Variants in DNAH2 observed in about 807,000 individuals in gnomAD.
DNAH2 encodes dynein axonemal heavy chain 2.
A neutral mutation model predicts 523.5 loss-of-function variants in DNAH2; 323 were observed. The observed-to-expected ratio is 0.62, with a 90% CI of 0.56 to 0.68. The LOEUF is 0.68. Among genes scored for constraint, DNAH2 ranks in the 30% least tolerant of loss-of-function variants. DNAH2 has a pLI of 0.00. For synonymous variants in DNAH2, 2,093 were observed against 2,177.4 expected (o/e 0.96, Z 1.08); for missense variants, 4,907 against 5,701.5 (o/e 0.86, Z 4.49).
At position 7,786,986 on chromosome 17, in the gene DNAH2, A is replaced by G. The variant is rs2076756227; in HGVS notation, c.6556A>G (p.Lys2186Glu). 2 of 1,614,204 alleles carry G rather than the reference A, an allele frequency of 1.2e-6. No homozygotes were observed. Among genetic ancestry groups the G allele is most frequent in the Non-Finnish European group, 8.5e-7 (1 of 1,180,040 alleles). ...ENMNSVMDDN[K>E]VLTLINGERI... ...CATGAACTCCGTCATGGACGATAACAAGGTGTTGACCCTCATCAACGGCGA... is the reference window on the plus strand; with the variant it reads ...CATGAACTCCGTCATGGACGATAACGAGGTGTTGACCCTCATCAACGGCGA... Residue 2186 changes from lysine (K) to glutamate (E), a missense_variant, in exon 42 of 86, where the codon AAG becomes GAG. By Grantham distance (56) the Lys-to-Glu change is moderately conservative (BLOSUM62 1). This residue lies in a region of DNAH2 where 2,806 missense variants were observed against 3,190.8 expected (regional missense o/e 0.88). Transcript: ENST00000572933. This position sits in a 1 kb window ranked among gnomAD's most constrained non-coding sequence, Gnocchi z 7.5.
rs372974924 is a variant in DNAH2, at chr17:7,770,367, G to C, written c.4057G>C (p.Glu1353Gln). 6.2e-7 allele frequency: 1 copy of C among 1,613,856 alleles called. No homozygotes were observed. The highest frequency in any genetic ancestry group is 1.3e-5 in the African/African-American group (1 of 74,870). Residue 1353 changes from glutamate (E) to glutamine (Q), a missense_variant, in exon 25 of 86, where the codon GAG becomes CAG. Transcript: ENST00000572933. The part of the protein sequence containing the change: ...GMDQHVEKIG[E>Q]ISASATKELA... ...GGATCAGCATGTGGAGAAAATTGGG[G>C]AGATCTCTGCTTCAGCAACTAAAGA...
chr17:7,719,924 A>T, intron 2 of DNAH2, 24 bp downstream of exon 2: 1 of 1,483,398 alleles, frequency 6.7e-7, no homozygotes, highest in Non-Finnish European at 9.0e-7. Flanking sequence ...GGGGCAGAGG[A>T]TGCTTAGCAA....
In DNAH2 at chr17:7,760,826, A is replaced by G. The variant is rs1322730841; in HGVS notation, c.2872A>G (p.Thr958Ala). The G allele has an allele frequency of 1.9e-6, 3 of 1,614,174 alleles. No homozygotes were observed. Among genetic ancestry groups the G allele is most frequent in the Non-Finnish European group, 2.5e-6 (3 of 1,180,034 alleles). The change falls in exon 18 of 86, where the codon ACC becomes GCC. Residue 958 changes from threonine (T) to alanine (A), a missense_variant. Around this residue, in one of 3 missense-constraint regions of DNAH2, gnomAD observed 2,806 missense variants for 3,190.8 expected, o/e 0.88. Coordinates refer to ENST00000572933, the MANE Select transcript of DNAH2 (RefSeq NM_020877.5). This position sits in a 1 kb window ranked among gnomAD's most constrained non-coding sequence, Gnocchi z 4.0. Reference protein sequence around the residue: ...NASLLQNYLKTWDMYREIWEI... With the variant: ...NASLLQNYLKAWDMYREIWEI... ...AAGCCTGCTGCAGAACTACCTCAAG[A>G]CCTGGGACATGTACCGGGAGATCTG...
chr17:7,726,491 C>G (rs1218319160), intron 3 of DNAH2, among the ~76,000 whole-genome samples: 2 of 149,708 alleles, frequency 1.3e-5, no homozygotes, highest in East Asian at 4.0e-4. Context: ...TTAGTAGAGA[C>G]AAGGTTTCTC....
Position 7,804,974 on chromosome 17 carries a change from G to C in DNAH2, c.9200G>C (p.Ser3067Thr), listed in dbSNP as rs138713261. 1.2e-6 allele frequency: 2 copies of C among 1,614,046 alleles called. No homozygotes were observed. The highest frequency in any genetic ancestry group is 2.7e-5 in the African/African-American group (2 of 74,912). ...DEQQKAVTANSEKIAVEEIKC... is the reference protein window; with the variant it reads ...DEQQKAVTANTEKIAVEEIKC... ...CATCCCTAGGCCGTAACAGCCAACA[G>C]TGAAAAGATTGCAGTTGAGGAAATC... The change falls in exon 60 of 86, where the codon AGT becomes ACT. Residue 3067 changes from serine to threonine, a missense_variant. Physicochemically the swap from Ser to Thr is moderately conservative, Grantham distance 58. Around this residue, in one of 3 missense-constraint regions of DNAH2, gnomAD observed 1,851 missense variants for 2,139.4 expected, o/e 0.87. Transcript: ENST00000572933.
At position 7,743,131 on chromosome 17, in the gene DNAH2, C is replaced by T. The variant is rs756114359; in HGVS notation, c.1893C>T (p.Val631=). 6.3e-7 allele frequency: 1 copy of T among 1,587,140 alleles called. No individual in the cohort carries two copies. Among genetic ancestry groups the T allele is most frequent in the Non-Finnish European group, 8.5e-7 (1 of 1,171,280 alleles). Residue 631 remains valine, a synonymous_variant, in exon 12 of 86, where the codon GTC becomes GTT. Transcript: ENST00000572933. ...AGGAGAAGGCGGGCATGCTGGATGT[C>T]AACTTTGACAAGTACAGGAGCCACC... ...ISQEKAGMLD[V]NFDKSLLILF...
intron 12 of DNAH2, among the ~76,000 whole-genome samples, chr17:7,744,986 C>CT (rs2047713395): frequency 6.6e-6 from 1 of 151,672 alleles, no homozygotes; most frequent in Non-Finnish European, 1.5e-5. Flanking sequence ...AATGATCAAT[C>CT]TTTACATTTC....
rs1286553216 is a variant in DNAH2 at position 7,828,570 on chromosome 17, ATTAT to A, written c.11854-1723_11854-1720del. Among the ~76,000 whole-genome samples, 14 of 151,996 alleles carry A rather than the reference ATTAT, an allele frequency of 9.2e-5. No individual in the cohort carries two copies. The highest frequency in any genetic ancestry group is 9.2e-4 in the Admixed American group (14 of 15,274). On this transcript the variant is annotated intron_variant, in intron 77 of 85. Coordinates refer to ENST00000572933, the MANE Select transcript of DNAH2 (RefSeq NM_020877.5). This position sits in a 1 kb window ranked among gnomAD's most constrained non-coding sequence, Gnocchi z 4.1. ...GAGCCACTGTTCCCAGCCTCCATTT[ATTAT>A]TTATTTTAATAAAATTCTGTAATGT...
At position 7,831,603 on chromosome 17, in the gene DNAH2, G is replaced by A; in HGVS notation, c.12612-58G>A. 6.2e-7 allele frequency: 1 copy of A among 1,613,176 alleles called. No homozygotes were observed. The stretch of plus-strand genomic sequence containing the variant: ...TGTGAGGAGAAGCCTTTGCCTTCTG[G>A]CTAGAATGACGTTCCCAGGCCCACC... On this transcript the variant is annotated intron_variant, in intron 81 of 85. Transcript: ENST00000572933. The surrounding 1 kb of genome is among the most constrained non-coding windows in gnomAD (Gnocchi z 4.2).
rs771140126 is a variant in DNAH2, at chr17:7,792,796, G to T, written c.7285G>T (p.Val2429Phe). The change falls in exon 47 of 86, where the codon GTT becomes TTT. Residue 2429 changes from valine to phenylalanine, a missense_variant. Transcript: ENST00000572933. ...GTGKTSIAQS[V>F]LQSLPSSQWS... is the part of the protein sequence containing the mutation. ...TGGGAAGACCTCCATCGCCCAGAGC[G>T]TTCTGCAGTCCCTGCCCTCCAGCCA... 205 of 1,614,080 alleles carry T rather than the reference G, an allele frequency of 1.3e-4. No homozygotes were observed. The highest frequency in any genetic ancestry group is 1.6e-4 in the Non-Finnish European group (193 of 1,180,032).
intron 12 of DNAH2, among the ~76,000 whole-genome samples, chr17:7,755,979 G>T (rs971265440): frequency 6.6e-6 from 1 of 152,002 alleles, no homozygotes; most frequent in Non-Finnish European, 1.5e-5. Flanking sequence ...GCTCATGCCT[G>T]TAATCCCAGC....
rs772627731 is a variant in DNAH2, at chr17:7,830,693, G to A, written c.12081G>A (p.Glu4027=). 2 of 1,614,220 alleles carry A rather than the reference G, an allele frequency of 1.2e-6. No individual in the cohort carries two copies. Among genetic ancestry groups the A allele is most frequent in the Non-Finnish European group, 8.5e-7 (1 of 1,180,046 alleles). The change falls in exon 79 of 86, where the codon GAG becomes GAA. Residue 4027 remains glutamate, a synonymous_variant. Transcript: ENST00000572933. ...ACTTGCTGAGCCTCTATCTCGATGAGTACGAGGAGACACCTTGGGACGCAC... is the reference window on the plus strand; with the variant it reads ...ACTTGCTGAGCCTCTATCTCGATGAATACGAGGAGACACCTTGGGACGCAC... ...SENLLSLYLD[E]YEETPWDALK... is the part of the protein sequence containing the mutation.
At chr17:7,757,455 C>G (rs1567647811) in intron 13 of DNAH2, among the ~76,000 whole-genome samples, 1 of 152,088 alleles carries the variant, frequency 6.6e-6, no homozygotes, top group Non-Finnish European at 1.5e-5. Flanking sequence ...TAAAGCCAAC[C>G]AGGTCCCCTC....
At chr17:7,833,048 G>C in intron 84 of DNAH2, 23 bp from the exon 85 acceptor site, 1 of 1,613,276 alleles carries the variant, frequency 6.2e-7, no homozygotes, top group Non-Finnish European at 8.5e-7. Flanking sequence ...GCTTCTCCCA[G>C]ACCTGCTCCC....
In DNAH2 at chr17:7,804,316, G is replaced by A. The variant is rs1168564744; in HGVS notation, c.9033G>A (p.Leu3011=). The A allele has an allele frequency of 6.2e-7, 1 of 1,614,210 alleles. No homozygotes were observed. Among genetic ancestry groups the A allele is most frequent in the South Asian group, 1.1e-5 (1 of 91,084 alleles). Residue 3011 remains leucine (L), a synonymous_variant, in exon 59 of 86, where the codon TTG becomes TTA. Transcript: ENST00000572933. The stretch of plus-strand genomic sequence containing the variant: ...AAGCCAATAAACTGCGGACAGGCTT[G>A]TTCAAGATCGACGAAACTAGGGAAA... ...LAQANKLRTG[L]FKIDETREKV...
chr17:7,724,629 A>C (rs1458987474), intron 3 of DNAH2, among the ~76,000 whole-genome samples: 1 of 152,072 alleles, frequency 6.6e-6, no homozygotes, highest in Non-Finnish European at 1.5e-5. Context: ...AAAACAAACG[A>C]ACAAACAAAA....
intron 7 of DNAH2, among the ~76,000 whole-genome samples, chr17:7,736,179 A>G (rs1300242956): frequency 6.6e-6 from 1 of 152,194 alleles, no homozygotes; most frequent in Non-Finnish European, 1.5e-5. Flanking sequence ...CTGGGCAATA[A>G]ACATTAAAAA....
Position 7,778,152 on chromosome 17 carries a change from C to G in DNAH2, c.5323C>G (p.Arg1775Gly). ...TTATGAGTACTTGGGTAACTCGGGC[C>G]GGCTCGTCATCACCCCCCTGACGGA... ...YNYEYLGNSGRLVITPLTDRC... is the reference protein window; with the variant it reads ...YNYEYLGNSGGLVITPLTDRC... Residue 1775 changes from arginine (R) to glycine (G), a missense_variant, in exon 34 of 86, where the codon CGG becomes GGG. This residue lies in a region of DNAH2 where 2,806 missense variants were observed against 3,190.8 expected (regional missense o/e 0.88). Coordinates refer to ENST00000572933, the MANE Select transcript of DNAH2 (RefSeq NM_020877.5). 6.2e-7 allele frequency: 1 copy of G among 1,614,154 alleles called. No homozygotes were observed. Among genetic ancestry groups the G allele is most frequent in the Non-Finnish European group, 8.5e-7 (1 of 1,180,040 alleles).
rs1228686115 is a variant in DNAH2, at chr17:7,765,540, A to C, written c.3486A>C (p.Thr1162=). ...SADDFKKKAH[T]LLEDFEFKGH... is the part of the protein sequence containing the mutation. ...ATGACTTCAAGAAGAAAGCACATACACTTCTGGAAGATTTCGAATTCAAAG... is the reference window on the plus strand; with the variant it reads ...ATGACTTCAAGAAGAAAGCACATACCCTTCTGGAAGATTTCGAATTCAAAG... The change falls in exon 21 of 86, where the codon ACA becomes ACC. Residue 1162 remains threonine (T), a synonymous_variant. Transcript: ENST00000572933. The C allele has an allele frequency of 1.9e-6, 3 of 1,613,800 alleles. No homozygotes were observed. In the Admixed American group the frequency reaches 5.0e-5, roughly 27 times the overall value.
Sources: gnomAD v4.1 joint callset for allele counts (sites outside exome capture counted in the v4.1 genomes callset) on GRCh38, gnomAD v4.1.1 for gene constraint, gnomAD v4.1.1 regional missense constraint, Gnocchi (gnomAD v3.1) non-coding constraint, MANE v1.5 for transcripts, NCBI Gene and HGNC (gene_info 2026-07-23, HGNC 2026-07-21) for gene names.